MAGI2: variants seen among roughly 807,000 people sequenced by gnomAD.
The protein encoded by MAGI2 is membrane-associated guanylate kinase, WW and PDZ domain-containing protein 2.
Under a neutral mutation model 133.3 loss-of-function variants are expected in MAGI2, and 35 were observed. The ratio of observed to expected loss-of-function variants is 0.26; its 90% CI spans 0.20 to 0.35. The LOEUF is 0.35. MAGI2 is among the 10% of genes least tolerant of loss of function. The pLI, the probability that MAGI2 is intolerant of heterozygous loss-of-function variation, is 1.00. For missense variants in MAGI2, 1,636 were observed against 1,863.4 expected (o/e 0.88, Z 2.25); for synonymous variants, 729 against 710.6 (o/e 1.03, Z -0.41).
intron 3 of MAGI2, among the ~76,000 whole-genome samples, chr7:78,565,427 T>C (rs779711605): frequency 5.9e-5 from 9 of 151,506 alleles, no homozygotes; most frequent in East Asian, 1.9e-4. Flanking sequence ...ATTACACTAT[T>C]GCACTCATGG....
intron 2 of MAGI2, among the ~76,000 whole-genome samples, chr7:78,722,571 C>A (rs977552903): frequency 1.5e-4 from 23 of 151,970 alleles, no homozygotes; most frequent in African/African-American, 4.8e-4. Flanking sequence ...GATCTTAAAT[C>A]TCATCATCAA....
chr7:79,354,736 G>C (rs920286470), intron 1 of MAGI2, among the ~76,000 whole-genome samples: 2 of 152,146 alleles, frequency 1.3e-5, no homozygotes, highest in East Asian at 1.9e-4. Context: ...GCTCACCTCG[G>C]TGTGCCTCAC....
chr7:78,309,486 T>C (rs1439329412), intron 9 of MAGI2, among the ~76,000 whole-genome samples: 1 of 152,176 alleles, frequency 6.6e-6, no homozygotes, highest in East Asian at 1.9e-4. Flanking sequence ...CAGCTAAGCA[T>C]TGGGTATACA....
chr7:78,892,839 A>G (rs1038968192), intron 2 of MAGI2, among the ~76,000 whole-genome samples: 3 of 152,152 alleles, frequency 2.0e-5, no homozygotes, highest in Non-Finnish European at 4.4e-5. Flanking sequence ...CATGTCTAAA[A>G]CACCAAAAGC....
chr7:78,829,348 C>CT (rs1790936244), intron 2 of MAGI2, among the ~76,000 whole-genome samples: 1 of 151,868 alleles, frequency 6.6e-6, no homozygotes, highest in Admixed American at 6.6e-5. Flanking sequence ...GCAACTATTT[C>CT]TTTTTTTCTT....
chr7:78,142,880 T>C (rs1563176237), intron 16 of MAGI2, among the ~76,000 whole-genome samples: 1 of 152,178 alleles, frequency 6.6e-6, no homozygotes, highest in Non-Finnish European at 1.5e-5. Context: ...GCAATACTTT[T>C]CATTTCTCTG....
chr7:78,444,763 T>TATAC (rs1481483955), intron 6 of MAGI2, among the ~76,000 whole-genome samples: 1 of 9,752 alleles, frequency 1.0e-4, no homozygotes, highest in African/African-American at 1.8e-4. Flanking sequence ...ATGTATGTGT[T>TATAC]TGTGTATGTG....
At chr7:78,612,725 A>C (rs937231703) in intron 3 of MAGI2, among the ~76,000 whole-genome samples, 5 of 151,726 alleles carry the variant, frequency 3.3e-5, no homozygotes, top group Admixed American at 6.6e-5. Flanking sequence ...GCCGGAGTGC[A>C]GTGGAGGGAT....
At chr7:79,249,401 A>C (rs936896441) in intron 1 of MAGI2, among the ~76,000 whole-genome samples, 2 of 151,902 alleles carry the variant, frequency 1.3e-5, no homozygotes, top group African/African-American at 4.8e-5. Context: ...AGACTAGCTA[A>C]GAAAAAAAAA....
chr7:79,230,064 T>C (rs1249190564), intron 1 of MAGI2, among the ~76,000 whole-genome samples: 3 of 150,610 alleles, frequency 2.0e-5, no homozygotes, highest in African/African-American at 7.3e-5. Context: ...GTTCTTGCGA[T>C]AGTTTACTGA....
rs151137907 is a variant in MAGI2, at chr7:79,347,673, C to T, written c.301+105347G>A. On this transcript the variant is annotated intron_variant, in intron 1 of 21. Coordinates refer to ENST00000354212, the MANE Select transcript of MAGI2 (RefSeq NM_012301.4). Reference sequence around the variant, plus strand: ...AGAGCTGTTTTCCCCTTAATTTTAACATATATCATACTAAGAAGATTCCTT... The same window carrying T: ...AGAGCTGTTTTCCCCTTAATTTTAATATATATCATACTAAGAAGATTCCTT... Among the ~76,000 whole-genome samples the T allele has an allele frequency of 5.8e-4, 88 of 151,992 alleles. 1 individual carries two copies. The East Asian group carries it at 0.015, about 26-fold the overall frequency.
At chr7:78,944,923 G>A (rs1801293734) in intron 2 of MAGI2, among the ~76,000 whole-genome samples, 1 of 151,888 alleles carries the variant, frequency 6.6e-6, no homozygotes, top group African/African-American at 2.4e-5. Context: ...TTTTTTTGTA[G>A]AGATGGGGTT....
chr7:79,432,194 GAA>G (rs1430300910), intron 1 of MAGI2, among the ~76,000 whole-genome samples: 6 of 152,120 alleles, frequency 3.9e-5, no homozygotes, highest in African/African-American at 1.4e-4. Flanking sequence ...CTAAATATTT[GAA>G]AAGAGATTCT....
chr7:79,407,112 T>C (rs914920574), intron 1 of MAGI2, among the ~76,000 whole-genome samples: 4 of 152,148 alleles, frequency 2.6e-5, no homozygotes, highest in Non-Finnish European at 4.4e-5. Flanking sequence ...ATAAAATTTT[T>C]CTATGCGTTT....
At chr7:78,948,043 A>T (rs1801568658) in intron 2 of MAGI2, among the ~76,000 whole-genome samples, 1 of 152,098 alleles carries the variant, frequency 6.6e-6, no homozygotes, top group African/African-American at 2.4e-5. Flanking sequence ...CGTTGAAGAT[A>T]GTATTATTCT....
chr7:78,699,416 T>C (rs971324543), intron 2 of MAGI2, among the ~76,000 whole-genome samples: 1 of 152,188 alleles, frequency 6.6e-6, no homozygotes, highest in Non-Finnish European at 1.5e-5. Context: ...CTTTGTTTCA[T>C]GCACAAAACT....
chr7:79,332,892 GATTA>G (rs1242648342), intron 1 of MAGI2, among the ~76,000 whole-genome samples: 3 of 152,024 alleles, frequency 2.0e-5, no homozygotes, highest in Non-Finnish European at 2.9e-5. Context: ...TAAACATAGG[GATTA>G]ATTGTCTTTC....
intron 3 of MAGI2, among the ~76,000 whole-genome samples, chr7:78,593,490 G>T (rs190536532): frequency 1.3e-5 from 2 of 152,314 alleles, no homozygotes; most frequent in Admixed American, 1.3e-4. Flanking sequence ...TAGTGGACCA[G>T]AGGAAGATGA....
At chr7:78,587,222 C>T (rs556364452) in intron 3 of MAGI2, among the ~76,000 whole-genome samples, 5 of 152,282 alleles carry the variant, frequency 3.3e-5, no homozygotes, top group Non-Finnish European at 7.4e-5. Flanking sequence ...TCCAACTTCT[C>T]CATACCCTCA....
Sources: gnomAD v4.1 joint callset for allele counts (sites outside exome capture counted in the v4.1 genomes callset) on GRCh38, gnomAD v4.1.1 for gene constraint, MANE v1.5 for transcripts, NCBI Gene and HGNC (gene_info 2026-07-23, HGNC 2026-07-21) for gene names.